STK32A: variants seen among roughly 807,000 people sequenced by gnomAD.
STK32A encodes the protein serine/threonine-protein kinase 32A.
A neutral mutation model predicts 53.2 loss-of-function variants in STK32A; 41 were observed. The ratio of observed to expected loss-of-function variants is 0.77; its 90% CI spans 0.60 to 1.00. The LOEUF is 1.00. Among genes scored for constraint, STK32A ranks in the 50% least tolerant of loss-of-function variants. The probability of loss-of-function intolerance (pLI) is 0.00; values close to 1 mark genes in which losing one functional copy is unlikely to be tolerated. For missense variants in STK32A, 458 were observed against 485.8 expected, an observed-to-expected ratio of 0.94 and a Z score of 0.54; for synonymous variants, 166 against 162.8, an observed-to-expected ratio of 1.02 and a Z score of -0.15.
chr5:147,383,462 C>G lies in STK32A; in HGVS notation c.1054C>G (p.Leu352Val), dbSNP rs1757531935. 6.3e-7 allele frequency: 1 copy of G among 1,598,482 alleles called. No individual in the cohort carries two copies. The stretch of plus-strand genomic sequence containing the variant: ...GAAGACATGTCTTCTTCAAGAGCAC[C>G]TTGACTCTGTCCAGAAGGAGTTCAT... ...SSQTCLLQEHLDSVQKEFIIF... is the reference protein window; with the variant it reads ...SSQTCLLQEHVDSVQKEFIIF... Residue 352 changes from leucine to valine, a missense_variant, in exon 12 of 13, where the codon CTT becomes GTT. Transcript: ENST00000397936.
intron 8 of STK32A, among the ~76,000 whole-genome samples, chr5:147,362,377 C>T (rs1756548405): frequency 6.6e-6 from 1 of 152,160 alleles, no homozygotes; most frequent in Non-Finnish European, 1.5e-5. Flanking sequence ...TTGCAGATAG[C>T]AGCCTTTTTT....
At position 147,260,530 on chromosome 5, in the gene STK32A, G is replaced by A. The variant is rs180674316; in HGVS notation, c.53-17594G>A. Reference sequence around the variant, plus strand: ...CGGAAGTTTCAACCCCTCAAACCAGGGATGTCTCGCCTTGCCTGTCCTCGA... The same window carrying A: ...CGGAAGTTTCAACCCCTCAAACCAGAGATGTCTCGCCTTGCCTGTCCTCGA... On this transcript the variant is annotated intron_variant, in intron 2 of 12. Coordinates refer to ENST00000397936, the MANE Select transcript of STK32A (RefSeq NM_001112724.2). 1.6e-4 allele frequency among the ~76,000 whole-genome samples: 25 copies of A among 152,064 alleles called. No individual in the cohort carries two copies. In the East Asian group the frequency reaches 4.1e-3, roughly 25 times the overall value.
chr5:147,315,297 A>G (rs1299263347), intron 4 of STK32A, among the ~76,000 whole-genome samples: 1 of 152,248 alleles, frequency 6.6e-6, no homozygotes, highest in East Asian at 1.9e-4. Context: ...AGCATTATTC[A>G]TAATAGTCAA....
At chr5:147,279,608 T>C (rs940206824) in intron 4 of STK32A, among the ~76,000 whole-genome samples, 1 of 152,104 alleles carries the variant, frequency 6.6e-6, no homozygotes, top group Non-Finnish European at 1.5e-5. Context: ...GAGGGGAGCA[T>C]GGGTGAACTC....
chr5:147,397,143 T>C, the STK32A span, among the ~76,000 whole-genome samples: 67,009 of 148,838 alleles, frequency 0.45, 15,839 homozygotes, highest in African/African-American at 0.56. Context: ...TACGCATGCA[T>C]ACATTTGCAC....
intron 2 of STK32A, among the ~76,000 whole-genome samples, chr5:147,259,899 C>CCCCTCTCTCTCTCTT (rs1436537813): frequency 8.2e-6 from 1 of 122,270 alleles, no homozygotes; most frequent in African/African-American, 4.3e-5. Context: ...CTTTCTCTCT[C>CCCCTCTCTCTCTCTT]CTCTCTCTCT....
chr5:147,397,815 C>T, the STK32A span: 2 of 1,613,174 alleles, frequency 1.2e-6, no homozygotes, highest in Non-Finnish European at 1.7e-6. Flanking sequence ...CCGCGCAGCT[C>T]CATCCCTTCA....
At chr5:147,359,758 A>T (rs1240504208) in intron 7 of STK32A, among the ~76,000 whole-genome samples, 1 of 152,202 alleles carries the variant, frequency 6.6e-6, no homozygotes, top group African/African-American at 2.4e-5. Context: ...GAAAGGATGC[A>T]GTGATTCATG....
intron 2 of STK32A, among the ~76,000 whole-genome samples, chr5:147,245,054 T>C (rs1212584987): frequency 6.6e-6 from 1 of 152,236 alleles, no homozygotes; most frequent in East Asian, 1.9e-4. Context: ...GCAGATTTTA[T>C]GGATTCTGTT....
At chr5:147,389,360 T>C (rs1757744722), downstream of STK32A, among the ~76,000 whole-genome samples, 1 of 152,082 alleles carries the variant, frequency 6.6e-6, no homozygotes, top group South Asian at 2.1e-4. Context: ...TTATTGGGAG[T>C]CCATGTGGTT....
At chr5:147,362,019 T>A (rs984866685) in intron 8 of STK32A, among the ~76,000 whole-genome samples, 1 of 152,204 alleles carries the variant, frequency 6.6e-6, no homozygotes, top group Admixed American at 6.5e-5. Context: ...CAATTCATGC[T>A]CTGTCTTGTT....
chr5:147,257,611 G>C (rs55782611), intron 2 of STK32A, among the ~76,000 whole-genome samples: 2,233 of 152,192 alleles, frequency 0.015, 25 homozygotes, highest in Non-Finnish European at 0.022. Context: ...AGGGGGCAGC[G>C]CTTTCTTGAC....
At chr5:147,255,125 G>C (rs1240948660) in intron 2 of STK32A, among the ~76,000 whole-genome samples, 1 of 152,164 alleles carries the variant, frequency 6.6e-6, no homozygotes, top group African/African-American at 2.4e-5. Context: ...GGGCGACAGA[G>C]ACTCCACCTC....
At chr5:147,399,279 A>G in the STK32A span, 31 of 1,608,948 alleles carry the variant, frequency 1.9e-5, no homozygotes, top group East Asian at 6.0e-4. Flanking sequence ...AATTATATCT[A>G]TATCTATAGC....
In STK32A at chr5:147,260,678, C is replaced by T. The variant is rs567583819; in HGVS notation, c.53-17446C>T. Among the ~76,000 whole-genome samples, 6 of 152,234 alleles carry T rather than the reference C, an allele frequency of 3.9e-5. No homozygotes were observed. The South Asian group carries it at 1.2e-3, about 32-fold the overall frequency. On this transcript the variant is annotated intron_variant, in intron 2 of 12. Coordinates refer to ENST00000397936, the MANE Select transcript of STK32A (RefSeq NM_001112724.2). ...ACCTGTTTCCCCCACTCTGATGGTC[C>T]TTTACACACTTCCCACTCGTTCTGT...
chr5:147,339,324 G>A (rs1755290838), intron 5 of STK32A, among the ~76,000 whole-genome samples: 1 of 152,240 alleles, frequency 6.6e-6, no homozygotes. Flanking sequence ...ATGCACAGAA[G>A]TCAAGAATTG....
chr5:147,384,081 A>G lies in STK32A; in HGVS notation c.*98A>G, dbSNP rs991737201. The G allele has an allele frequency of 1.3e-5, 19 of 1,508,250 alleles. No homozygotes were observed. Among genetic ancestry groups the G allele is most frequent in the Non-Finnish European group, 1.7e-5 (19 of 1,138,458 alleles). The allele number at this position is 1,508,250 out of a possible 1,614,324, so 93.4% of individuals were successfully genotyped here. A position where few individuals can be genotyped will look rare whatever the true frequency, so the allele number is the denominator to read the frequency against. ...AGTAGTTCTTGCCACTCCACACACC[A>G]TGACTTAGAAAATGTGAATGAATAT... On this transcript the variant is annotated 3_prime_UTR_variant, in exon 13 of 13. Coordinates refer to ENST00000397936, the MANE Select transcript of STK32A (RefSeq NM_001112724.2).
the STK32A span, chr5:147,401,795 T>C: frequency 3.5e-6 from 5 of 1,446,078 alleles, no homozygotes; most frequent in Non-Finnish European, 3.7e-6. Flanking sequence ...CAGGACTGTG[T>C]CTCAGAGTCA....
At chr5:147,286,860 C>T (rs940346373) in intron 4 of STK32A, among the ~76,000 whole-genome samples, 1 of 152,082 alleles carries the variant, frequency 6.6e-6, no homozygotes, top group East Asian at 1.9e-4. Flanking sequence ...GGAAGGAGTT[C>T]AGATGTCTTA....
Sources: allele counts gnomAD v4.1 joint callset (sites outside exome capture counted in the v4.1 genomes callset), GRCh38; gene constraint gnomAD v4.1.1; transcripts MANE v1.5; gene names NCBI Gene and HGNC (gene_info 2026-07-23, HGNC 2026-07-21).